LMBRD1: variants seen among roughly 807,000 people sequenced by gnomAD.
The protein encoded by LMBRD1 is LMBR1 domain containing 1, also known as lysosomal cobalamin transport escort protein LMBD1.
In LMBRD1, 64 loss-of-function variants were observed where a neutral mutation model predicts 74.8. The ratio of observed to expected loss-of-function variants is 0.86; its 90% confidence interval spans 0.70 to 1.05. The LOEUF (loss-of-function observed/expected upper bound fraction) is 1.05. LMBRD1 is among the 50% of genes least tolerant of loss of function. LMBRD1 has a pLI of 0.00. For synonymous variants in LMBRD1, 204 were observed against 216.3 expected (o/e 0.94, Z 0.50); for missense variants, 652 against 645.9 (o/e 1.01, Z -0.10).
In LMBRD1 at chr6:69,749,391, G is replaced by T; in HGVS notation, c.423C>A (p.Leu141=). The part of the protein sequence containing the change: ...TSKCTQIKTA[L]KYTLGFVVIC... ...TCACAACAAATCCCAAAGTATACTTGAGTGCCGTTTTAATTTGCTAGATGC... is the reference window on the plus strand; with the variant it reads ...TCACAACAAATCCCAAAGTATACTTTAGTGCCGTTTTAATTTGCTAGATGC... The change falls in exon 5 of 16, where the codon CTC becomes CTA. Residue 141 remains leucine, a synonymous_variant. Transcript: ENST00000649934. 6.2e-7 allele frequency: 1 copy of T among 1,611,414 alleles called. No homozygotes were observed. Among genetic ancestry groups the T allele is most frequent in the Non-Finnish European group, 8.5e-7 (1 of 1,178,926 alleles).
At chr6:69,785,124 C>A (rs1765918399) in intron 2 of LMBRD1, among the ~76,000 whole-genome samples, 1 of 152,178 alleles carries the variant, frequency 6.6e-6, no homozygotes. Context: ...ATTCACTTCA[C>A]CTCTCAACAC....
At chr6:69,701,360 C>T in intron 11 of LMBRD1, 83 bp downstream of exon 11, 1 of 783,678 alleles carries the variant, frequency 1.3e-6, no homozygotes, top group Non-Finnish European at 2.2e-6. Flanking sequence ...ATTTTATGTG[C>T]AACAGGATGT....
At position 69,697,865 on chromosome 6, in the gene LMBRD1, T is replaced by C. The variant is rs2445967; in HGVS notation, c.1339-224A>G. 0.89 allele frequency among the ~76,000 whole-genome samples: 135,123 copies of C among 152,036 alleles called. 61,738 individuals carry two copies. The highest frequency in any genetic ancestry group is 0.99 in the Non-Finnish European group (67,157 of 67,918). On this transcript the variant is annotated intron_variant, in intron 13 of 15. Transcript: ENST00000649934. The stretch of plus-strand genomic sequence containing the variant: ...CCTTTAGGTCCTGTGTTGAACAACA[T>C]GGCTTCTTCCCAGAACAAACAAATT...
intron 14 of LMBRD1, among the ~76,000 whole-genome samples, chr6:69,680,402 G>A (rs1765635730): frequency 1.3e-5 from 2 of 151,954 alleles, no homozygotes; most frequent in Non-Finnish European, 2.9e-5. Context: ...AAATTTCAGG[G>A]CCAGAACAGG....
chr6:69,681,753 G>A (rs938520522), intron 14 of LMBRD1, among the ~76,000 whole-genome samples: 2 of 151,912 alleles, frequency 1.3e-5, no homozygotes, highest in Admixed American at 1.3e-4. Context: ...CATAGCTCTT[G>A]GCTGCCCATG....
intron 3 of LMBRD1, among the ~76,000 whole-genome samples, chr6:69,778,916 G>T (rs1414448621): frequency 6.6e-6 from 1 of 152,106 alleles, no homozygotes; most frequent in African/African-American, 2.4e-5. Flanking sequence ...GGCAGGGCAC[G>T]GTGCCTCACG....
chr6:69,745,216 G>A (rs1195183436), intron 5 of LMBRD1, among the ~76,000 whole-genome samples: 1 of 150,274 alleles, frequency 6.7e-6, no homozygotes, highest in Non-Finnish European at 1.5e-5. Flanking sequence ...CATCTTCACT[G>A]TCTTACAATT....
At chr6:69,768,712 T>C (rs993870742) in intron 3 of LMBRD1, among the ~76,000 whole-genome samples, 6 of 152,070 alleles carry the variant, frequency 3.9e-5, no homozygotes, top group African/African-American at 1.4e-4. Flanking sequence ...CCTAGTGTCA[T>C]TTCCTTTTAT....
At chr6:69,719,883 T>C (rs74509347) in intron 7 of LMBRD1, among the ~76,000 whole-genome samples, 1,572 of 152,232 alleles carry the variant, frequency 0.01, 13 homozygotes, top group Non-Finnish European at 0.017. Flanking sequence ...CCGTGCCCCC[T>C]GTTAGATGGG....
chr6:69,709,148 C>T (rs541588256), intron 9 of LMBRD1, among the ~76,000 whole-genome samples: 3 of 151,750 alleles, frequency 2.0e-5, no homozygotes, highest in African/African-American at 7.3e-5. Flanking sequence ...GCAGGAGAAT[C>T]GCTTGAACCT....
intron 7 of LMBRD1, among the ~76,000 whole-genome samples, chr6:69,731,089 C>T (rs1303936111): frequency 1.3e-5 from 2 of 152,064 alleles, no homozygotes; most frequent in African/African-American, 4.8e-5. Flanking sequence ...ACTTGTCTTT[C>T]TGAGTCCAGC....
chr6:69,706,442 C>T (rs1458501482), intron 9 of LMBRD1, among the ~76,000 whole-genome samples: 1 of 152,162 alleles, frequency 6.6e-6, no homozygotes, highest in African/African-American at 2.4e-5. Context: ...TAACGCACTG[C>T]AATCAGAGAA....
chr6:69,764,421 C>A (rs1765438317), intron 3 of LMBRD1, among the ~76,000 whole-genome samples: 1 of 152,100 alleles, frequency 6.6e-6, no homozygotes, highest in African/African-American at 2.4e-5. Flanking sequence ...GCCTTCATTA[C>A]AAACCAAATC....
At position 69,771,401 on chromosome 6, in the gene LMBRD1, A is replaced by C. The variant is rs184432404; in HGVS notation, c.307+9093T>G. 3.3e-5 allele frequency among the ~76,000 whole-genome samples: 5 copies of C among 152,344 alleles called. No homozygotes were observed. The East Asian group carries it at 9.6e-4, about 29-fold the overall frequency. ...GTTAATATGAGCAAGCAAGAGAAAAAGCCAAGGAGTATGAGCAAGACAAAG... is the reference window on the plus strand; with the variant it reads ...GTTAATATGAGCAAGCAAGAGAAAACGCCAAGGAGTATGAGCAAGACAAAG... On this transcript the variant is annotated intron_variant, in intron 3 of 15. Transcript: ENST00000649934.
chr6:69,707,705 T>A (rs1206115031), intron 9 of LMBRD1, among the ~76,000 whole-genome samples: 1 of 152,182 alleles, frequency 6.6e-6, no homozygotes, highest in Admixed American at 6.5e-5. Context: ...TATGGACATA[T>A]TTAGTCTCAA....
At chr6:69,715,290 G>A (rs534623376) in intron 8 of LMBRD1, among the ~76,000 whole-genome samples, 27 of 151,854 alleles carry the variant, frequency 1.8e-4, no homozygotes, top group South Asian at 1.0e-3. Flanking sequence ...CAATGCTGGC[G>A]TTCACTATTT....
Position 69,675,964 on chromosome 6 carries a change from G to A in LMBRD1, c.*194C>T. The A allele has an allele frequency of 1.2e-5, 7 of 581,318 alleles. 1 individual carries two copies. The highest frequency in any genetic ancestry group is 1.0e-4 in the South Asian group (5 of 48,004). The allele number at this position is 581,318 out of a possible 1,614,324, so 36.0% of individuals were successfully genotyped here. A position where few individuals can be genotyped will look rare whatever the true frequency, so the allele number is the denominator to read the frequency against. Reference sequence around the variant, plus strand: ...CAGTAGTCTTATATTTACATAGCATGATTATGGTAATTTAAAATGTTAATC... The same window carrying A: ...CAGTAGTCTTATATTTACATAGCATAATTATGGTAATTTAAAATGTTAATC... On this transcript the variant is annotated 3_prime_UTR_variant, in exon 16 of 16. Transcript: ENST00000649934.
At chr6:69,718,275 A>C (rs1485542114) in intron 8 of LMBRD1, among the ~76,000 whole-genome samples, 1 of 152,118 alleles carries the variant, frequency 6.6e-6, no homozygotes. Context: ...ACTTGAACAT[A>C]AATATTATAG....
chr6:69,713,837 A>T (rs543077038), intron 8 of LMBRD1, 40 bp from the exon 9 acceptor site: 3 of 1,609,696 alleles, frequency 1.9e-6, no homozygotes, highest in Admixed American at 3.3e-5. Context: ...TACCATTAAC[A>T]TCTTAATAAA....
Sources: allele counts gnomAD v4.1 joint callset (sites outside exome capture counted in the v4.1 genomes callset), GRCh38; gene constraint gnomAD v4.1.1; transcripts MANE v1.5; gene names NCBI Gene and HGNC (gene_info 2026-07-23, HGNC 2026-07-21).